The following PTPRZ1 variants were observed in gnomAD, a reference collection of about 807,000 sequenced individuals.
PTPRZ1 encodes receptor-type tyrosine-protein phosphatase zeta.
Under a neutral mutation model 214.1 loss-of-function variants are expected in PTPRZ1, and 82 were observed. That is an observed-to-expected ratio of 0.38 (90% CI 0.32 to 0.46). The LOEUF is 0.46. PTPRZ1 is among the 20% of genes least tolerant of loss of function. PTPRZ1 has a pLI of 1.00. For missense variants in PTPRZ1, 2,603 were observed against 2,748.7 expected (o/e 0.95, Z 1.19); for synonymous variants, 945 against 987.9 (o/e 0.96, Z 0.81).
chr7:121,975,510 C>T (rs1216513072), intron 4 of PTPRZ1, among the ~76,000 whole-genome samples: 1 of 152,160 alleles, frequency 6.6e-6, no homozygotes, highest in African/African-American at 2.4e-5. Flanking sequence ...TGTTGCACAC[C>T]CTCTGTTTCT....
chr7:121,967,788 A>G (rs1183693513), intron 2 of PTPRZ1, among the ~76,000 whole-genome samples, 163 bp from the exon 3 acceptor site: 1 of 152,206 alleles, frequency 6.6e-6, no homozygotes. Context: ...ATTGAAATCC[A>G]GAATCTAAAT....
chr7:122,044,504 C>T lies in PTPRZ1; in HGVS notation c.6020C>T (p.Ala2007Val). The T allele has an allele frequency of 6.2e-7, 1 of 1,613,842 alleles. No individual in the cohort carries two copies. Among genetic ancestry groups the T allele is most frequent in the Non-Finnish European group, 8.5e-7 (1 of 1,179,794 alleles). ...ETEVLDSHIHAYVNALLIPGP... is the reference protein window; with the variant it reads ...ETEVLDSHIHVYVNALLIPGP... ...GAGGTGCTGGACAGTCATATTCATG[C>T]CTATGTTAATGCACTCCTCATTCCT... Residue 2007 changes from alanine to valine, a missense_variant, in exon 23 of 30, where the codon GCC (alanine) becomes GTC (valine). Coordinates refer to ENST00000393386, the MANE Select transcript of PTPRZ1 (RefSeq NM_002851.3).
intron 1 of PTPRZ1, among the ~76,000 whole-genome samples, chr7:121,906,812 C>T (rs1479565781): frequency 6.6e-6 from 1 of 152,054 alleles, no homozygotes; most frequent in Non-Finnish European, 1.5e-5. Context: ...AATAAATGGT[C>T]AGGTTTTGCT....
chr7:121,896,354 G>C (rs1794782858), intron 1 of PTPRZ1, among the ~76,000 whole-genome samples: 1 of 152,054 alleles, frequency 6.6e-6, no homozygotes, highest in Non-Finnish European at 1.5e-5. Context: ...ACCAGCCTTG[G>C]AAGCTACCAT....
intron 15 of PTPRZ1, chr7:122,033,740 A>T (rs541388175): frequency 4.3e-6 from 1 of 234,234 alleles, no homozygotes; most frequent in Non-Finnish European, 8.2e-6. Context: ...TAGTGCTACT[A>T]TGGTCAAATA....
intron 1 of PTPRZ1, among the ~76,000 whole-genome samples, chr7:121,917,263 C>T (rs540271796): frequency 1.0e-3 from 157 of 152,188 alleles, no homozygotes; most frequent in African/African-American, 3.7e-3. Flanking sequence ...GCTAGGTGCT[C>T]GTTAACAATG....
chr7:121,960,181 G>A (rs1372815597), intron 2 of PTPRZ1, among the ~76,000 whole-genome samples: 1 of 152,078 alleles, frequency 6.6e-6, no homozygotes, highest in Non-Finnish European at 1.5e-5. Context: ...TGTAATTACG[G>A]GCGTGCGCCA....
At chr7:121,930,559 T>C (rs1361707793) in intron 2 of PTPRZ1, among the ~76,000 whole-genome samples, 1 of 152,088 alleles carries the variant, frequency 6.6e-6, no homozygotes, top group Non-Finnish European at 1.5e-5. Context: ...GTGTTAAAAT[T>C]ATCTATTTCC....
At chr7:121,956,418 A>C (rs1796708030) in intron 2 of PTPRZ1, among the ~76,000 whole-genome samples, 1 of 152,160 alleles carries the variant, frequency 6.6e-6, no homozygotes, top group African/African-American at 2.4e-5. Context: ...TATAAAACTC[A>C]ATGAAGTCTT....
intron 12 of PTPRZ1, among the ~76,000 whole-genome samples, chr7:122,015,672 T>C (rs771536835): frequency 6.6e-6 from 1 of 152,108 alleles, no homozygotes; most frequent in African/African-American, 2.4e-5. Context: ...GTGACATTGA[T>C]ACGTTCTTGC....
At chr7:121,888,256 C>A (rs1794462765) in intron 1 of PTPRZ1, among the ~76,000 whole-genome samples, 1 of 151,840 alleles carries the variant, frequency 6.6e-6, no homozygotes, top group Non-Finnish European at 1.5e-5. Flanking sequence ...GAATCAATTT[C>A]TCTTCTTTGG....
rs1229486137 is a variant in PTPRZ1, at chr7:121,996,365, C to T, written c.929-17C>T. On this transcript the variant is annotated splice_polypyrimidine_tract_variant and intron_variant, in intron 8 of 29. Coordinates refer to ENST00000393386, the MANE Select transcript of PTPRZ1 (RefSeq NM_002851.3). ...AGGCTAAGTTCTATCAACAACTGTACTTTTTTCTCTCTGAAGTTTGTAGTT... is the reference window on the plus strand; with the variant it reads ...AGGCTAAGTTCTATCAACAACTGTATTTTTTTCTCTCTGAAGTTTGTAGTT... 3 of 1,566,672 alleles carry T rather than the reference C, an allele frequency of 1.9e-6. No homozygotes were observed. Among genetic ancestry groups the T allele is most frequent in the Non-Finnish European group, 2.6e-6 (3 of 1,154,846 alleles).
chr7:121,920,789 A>G (rs2116342930), intron 1 of PTPRZ1, among the ~76,000 whole-genome samples: 1 of 152,286 alleles, frequency 6.6e-6, no homozygotes, highest in Non-Finnish European at 1.5e-5. Context: ...ATCTTCTGAC[A>G]TTGTCAACTT....
rs562332278 is a variant in PTPRZ1 at position 122,022,250 on chromosome 7, T to C, written c.4988+2982T>C. ...TGATTCAATGGTTTTTAAAGTGTTC[T>C]ACTATTTCCATAATGACTAATGATG... On this transcript the variant is annotated intron_variant, in intron 13 of 29. Transcript: ENST00000393386. Among the ~76,000 whole-genome samples the C allele has an allele frequency of 9.8e-5, 15 of 152,374 alleles. No individual in the cohort carries two copies. In the East Asian group the frequency reaches 2.9e-3, roughly 29 times the overall value.
intron 2 of PTPRZ1, 124 bp downstream of exon 2, chr7:121,928,345 G>A: frequency 1.6e-6 from 1 of 606,948 alleles, no homozygotes; most frequent in Non-Finnish European, 2.8e-6. Flanking sequence ...TGGATAGTTA[G>A]ATTAATTAAT....
chr7:121,983,644 A>G, intron 6 of PTPRZ1, 21 bp from the exon 7 acceptor site: 1 of 1,593,284 alleles, frequency 6.3e-7, no homozygotes, highest in Non-Finnish European at 8.6e-7. Flanking sequence ...TCCAGCTGAG[A>G]TGTATATTAT....
chr7:122,024,406 T>C (rs1799145205), intron 13 of PTPRZ1, among the ~76,000 whole-genome samples: 1 of 152,018 alleles, frequency 6.6e-6, no homozygotes, highest in Non-Finnish European at 1.5e-5. Context: ...TGAAAAGCAA[T>C]ATGAATTCTC....
At chr7:121,993,317 T>C (rs1798028228) in intron 8 of PTPRZ1, among the ~76,000 whole-genome samples, 1 of 151,620 alleles carries the variant, frequency 6.6e-6, no homozygotes, top group Non-Finnish European at 1.5e-5. Context: ...TTGGGGAGGC[T>C]GAGGTGAGAG....
chr7:121,883,974 TC>T (rs1794317994), intron 1 of PTPRZ1, among the ~76,000 whole-genome samples: 1 of 152,148 alleles, frequency 6.6e-6, no homozygotes, highest in Non-Finnish European at 1.5e-5. Context: ...TTACTCTATG[TC>T]TCTTAAGATA....
Sources: gnomAD v4.1 joint callset for allele counts (sites outside exome capture counted in the v4.1 genomes callset) on GRCh38, gnomAD v4.1.1 for gene constraint, MANE v1.5 for transcripts, NCBI Gene and HGNC (gene_info 2026-07-23, HGNC 2026-07-21) for gene names.